NDST3: variants seen among roughly 807,000 people sequenced by gnomAD.
The protein encoded by NDST3 is N-deacetylase and N-sulfotransferase 3.
NDST3 carries 58 observed loss-of-function variants against 96.1 expected under a neutral mutation model. That is an observed-to-expected ratio of 0.60 (90% CI 0.49 to 0.75). The LOEUF (loss-of-function observed/expected upper bound fraction) is 0.75. NDST3 is among the 30% of genes least tolerant of loss of function. NDST3 has a pLI of 0.00. For synonymous variants in NDST3, 333 were observed against 359.7 expected (o/e 0.93, Z 0.84); for missense variants, 788 against 1,034.2 (o/e 0.76, Z 3.27).
chr4:118,247,206 TAA>T (rs34436506), intron 12 of NDST3, among the ~76,000 whole-genome samples: 12 of 142,750 alleles, frequency 8.4e-5, no homozygotes, highest in Non-Finnish European at 7.6e-5. Flanking sequence ...CAGGGGGGTT[TAA>T]AAAAAAAAAA....
At chr4:118,210,417 G>A (rs1738710395) in intron 6 of NDST3, among the ~76,000 whole-genome samples, 1 of 152,000 alleles carries the variant, frequency 6.6e-6, no homozygotes, top group Admixed American at 6.6e-5. Flanking sequence ...CAGATCAAAG[G>A]CTCCCAAATC....
chr4:118,228,295 A>C (rs868392163), intron 8 of NDST3, among the ~76,000 whole-genome samples: 1 of 152,234 alleles, frequency 6.6e-6, no homozygotes, highest in Non-Finnish European at 1.5e-5. Flanking sequence ...CATTTAAACT[A>C]AACTCTCTTC....
intron 2 of NDST3, among the ~76,000 whole-genome samples, chr4:118,064,796 T>C (rs986952389): frequency 3.7e-4 from 57 of 152,152 alleles, no homozygotes; most frequent in African/African-American, 1.2e-3. Context: ...AACATGGGTC[T>C]TACTGAGCTA....
chr4:118,089,981 G>A (rs1374947055), intron 2 of NDST3, among the ~76,000 whole-genome samples: 1 of 151,818 alleles, frequency 6.6e-6, no homozygotes, highest in Non-Finnish European at 1.5e-5. Context: ...CACCTAAGAG[G>A]AAAAGGCACA....
intron 9 of NDST3, among the ~76,000 whole-genome samples, chr4:118,234,187 G>A (rs538939157): frequency 6.6e-6 from 1 of 152,178 alleles, no homozygotes; most frequent in South Asian, 2.1e-4. Flanking sequence ...TAAAGTGGGT[G>A]GATCACATGA....
chr4:118,157,027 C>T (rs9998981), intron 6 of NDST3, among the ~76,000 whole-genome samples: 5,415 of 152,060 alleles, frequency 0.036, 141 homozygotes, highest in African/African-American at 0.073. Flanking sequence ...TATTCATTAC[C>T]GGATTATTTG....
At chr4:118,184,602 TACACACACACACACACACACACAC>T (rs562099266) in intron 6 of NDST3, among the ~76,000 whole-genome samples, 1 of 138,490 alleles carries the variant, frequency 7.2e-6, no homozygotes, top group Non-Finnish European at 1.6e-5. Flanking sequence ...TCTCTCTCTC[TACACACACACACACACACACACAC>T]ACACACACAC....
intron 6 of NDST3, chr4:118,193,857 C>G: frequency 1.6e-6 from 2 of 1,223,038 alleles, no homozygotes; most frequent in Non-Finnish European, 2.4e-6. Context: ...TGTGTTTCCT[C>G]ATTGGAAAAA....
intron 2 of NDST3, among the ~76,000 whole-genome samples, chr4:118,069,433 C>T (rs1182411419): frequency 6.6e-6 from 1 of 152,038 alleles, no homozygotes; most frequent in African/African-American, 2.4e-5. Context: ...AAGCTTTAAA[C>T]ATTCGCCTTT....
chr4:118,069,339 T>C (rs564031691), intron 2 of NDST3, among the ~76,000 whole-genome samples: 9 of 152,164 alleles, frequency 5.9e-5, no homozygotes, highest in Middle Eastern at 3.4e-3. Flanking sequence ...TTGAATTATA[T>C]AGGTGGGATA....
intron 2 of NDST3, among the ~76,000 whole-genome samples, chr4:118,094,481 T>C (rs1193654611): frequency 1.3e-5 from 2 of 151,852 alleles, no homozygotes; most frequent in African/African-American, 2.4e-5. Context: ...CCAACCAATA[T>C]TGATTATCTA....
At chr4:118,092,455 T>C (rs548172231) in intron 2 of NDST3, among the ~76,000 whole-genome samples, 3 of 151,850 alleles carry the variant, frequency 2.0e-5, no homozygotes, top group Non-Finnish European at 4.4e-5. Flanking sequence ...GCAGGCCGTT[T>C]CTGATTCTGA....
At chr4:118,185,754 A>T (rs1476053826) in intron 6 of NDST3, among the ~76,000 whole-genome samples, 1 of 152,176 alleles carries the variant, frequency 6.6e-6, no homozygotes, top group East Asian at 1.9e-4. Context: ...TGGCTTGAAT[A>T]GTTGGCTACC....
At chr4:118,239,944 C>T (rs972021315) in intron 10 of NDST3, among the ~76,000 whole-genome samples, 3 of 151,974 alleles carry the variant, frequency 2.0e-5, no homozygotes, top group African/African-American at 7.3e-5. Context: ...TCTGATTCAC[C>T]GCAAAGGTTA....
At chr4:118,114,079 C>T (rs1232480314) in intron 3 of NDST3, among the ~76,000 whole-genome samples, 1 of 151,838 alleles carries the variant, frequency 6.6e-6, no homozygotes, top group Admixed American at 6.6e-5. Context: ...AACAACAGGG[C>T]TGACCCTTAA....
In NDST3 at chr4:118,224,770, C is replaced by T. The variant is rs1523749; in HGVS notation, c.1722+97C>T. On this transcript the variant is annotated intron_variant, in intron 7 of 13. Transcript: ENST00000296499. ...GAAAAGTGAAGGCACCTGAAAAAAC[C>T]TGCATTTTGGAAATGTTAGTAAATT... The T allele has an allele frequency of 6.4e-6, 7 of 1,093,250 alleles. No homozygotes were observed. In the Admixed American group the frequency reaches 1.6e-4, roughly 24 times the overall value. The allele number at this position is 1,093,250 out of a possible 1,614,324, so 67.7% of individuals were successfully genotyped here. A position where few individuals can be genotyped will look rare whatever the true frequency, so the allele number is the denominator to read the frequency against.
intron 2 of NDST3, among the ~76,000 whole-genome samples, chr4:118,076,049 G>T (rs1448808801): frequency 6.6e-6 from 1 of 151,996 alleles, no homozygotes; most frequent in Non-Finnish European, 1.5e-5. Context: ...TTTCTCTTTT[G>T]CTTATGATGC....
Position 118,054,685 on chromosome 4 carries a change from C to T in NDST3, c.775C>T (p.His259Tyr), listed in dbSNP as rs1248469704. ...SKGAFYATII[H>Y]DLGLHDGIQR... ...AGGTGCTTTTTATGCCACTATTATA[C>T]ATGACCTGGGGCTTCATGATGGAAT... Residue 259 changes from histidine to tyrosine, a missense_variant, in exon 2 of 14, where the codon CAT becomes TAT. Around this residue, in one of 3 missense-constraint regions of NDST3, gnomAD observed 490 missense variants for 708.8 expected, o/e 0.69. Coordinates refer to ENST00000296499, the MANE Select transcript of NDST3 (RefSeq NM_004784.3). The T allele has an allele frequency of 6.2e-7, 1 of 1,613,220 alleles. No individual in the cohort carries two copies. Among genetic ancestry groups the T allele is most frequent in the Admixed American group, 1.7e-5 (1 of 59,872 alleles).
chr4:118,170,102 G>A (rs1159807389), intron 6 of NDST3, among the ~76,000 whole-genome samples: 1 of 152,136 alleles, frequency 6.6e-6, no homozygotes, highest in African/African-American at 2.4e-5. Flanking sequence ...ACAAAAGCCT[G>A]CCCACATTCA....
Sources: allele counts gnomAD v4.1 joint callset (sites outside exome capture counted in the v4.1 genomes callset), GRCh38; gene constraint gnomAD v4.1.1; regional missense constraint gnomAD v4.1.1; transcripts MANE v1.5; gene names NCBI Gene and HGNC (gene_info 2026-07-23, HGNC 2026-07-21).